SNRPN: variants seen among roughly 807,000 people sequenced by gnomAD.
SNRPN encodes the protein small nuclear ribonucleoprotein polypeptide N, also known as small nuclear ribonucleoprotein-associated protein N.
SNRPN carries 7 observed loss-of-function variants against 25.2 expected under a neutral mutation model. The observed-to-expected ratio is 0.28, with a 90% CI of 0.16 to 0.52. The LOEUF is 0.52. SNRPN is among the 20% of genes least tolerant of loss of function. SNRPN has a pLI of 0.96. For missense variants in SNRPN, 196 were observed against 322.5 expected (o/e 0.61, Z 3.00); for synonymous variants, 124 against 110.6 (o/e 1.12, Z -0.76).
intron 2 of SNRPN, among the ~76,000 whole-genome samples, chr15:24,917,700 C>T (rs1464548913): frequency 6.6e-6 from 1 of 152,260 alleles, no homozygotes; most frequent in Admixed American, 6.5e-5. Context: ...TGGTGCTGCT[C>T]TTCAGGGTTT....
intron 3 of SNRPN, among the ~76,000 whole-genome samples, chr15:24,949,642 C>T (rs1002225804): frequency 3.3e-5 from 5 of 152,094 alleles, no homozygotes; most frequent in African/African-American, 1.2e-4. Context: ...CAGAGTGACA[C>T]TCTATCTCAA....
chr15:24,870,973 C>A (rs28635725), intron 1 of SNRPN, among the ~76,000 whole-genome samples: 2 of 151,836 alleles, frequency 1.3e-5, no homozygotes, highest in Non-Finnish European at 2.9e-5. Flanking sequence ...CTCCGCCTCC[C>A]AGGTTCCAGC....
chr15:24,959,965 A>G (rs1427232540), intron 1 of SNRPN, among the ~76,000 whole-genome samples: 1 of 152,168 alleles, frequency 6.6e-6, no homozygotes. Context: ...TGCAGGTATA[A>G]TAGAAAGAAC....
At chr15:24,875,036 G>C (rs371283449) in intron 1 of SNRPN, among the ~76,000 whole-genome samples, 2 of 152,048 alleles carry the variant, frequency 1.3e-5, no homozygotes, top group African/African-American at 4.8e-5. Context: ...TATAGTCTAC[G>C]AATTTATTCC....
chr15:24,962,057 A>T, intron 1 of SNRPN, 57 bp from the exon 2 acceptor site: 1 of 1,340,426 alleles, frequency 7.5e-7, no homozygotes, highest in Non-Finnish European at 1.1e-6. Flanking sequence ...CTTGACAAAT[A>T]GTTATTTCAT....
chr15:24,927,025 T>A (rs563125116), intron 3 of SNRPN, among the ~76,000 whole-genome samples: 102 of 151,868 alleles, frequency 6.7e-4, no homozygotes, highest in Admixed American at 2.5e-3. Context: ...AAGAATATTT[T>A]AAAAAAAACC....
chr15:24,921,244 G>A (rs570458585), intron 3 of SNRPN: 39 of 152,328 alleles, frequency 2.6e-4, no homozygotes, highest in African/African-American at 9.1e-4. Flanking sequence ...AAAGAAGATT[G>A]ACATTAAGCA....
At chr15:24,965,275 C>T (rs976395498) in intron 2 of SNRPN, among the ~76,000 whole-genome samples, 34 of 152,132 alleles carry the variant, frequency 2.2e-4, no homozygotes, top group Non-Finnish European at 3.5e-4. Context: ...CGGTGGCTCA[C>T]GCCTGTAATC....
chr15:24,954,848 A>G (rs935988069), upstream of SNRPN: 10 of 690,218 alleles, frequency 1.4e-5, no homozygotes, highest in African/African-American at 1.6e-4. Flanking sequence ...CCCTCCCCCC[A>G]GGTCATTCCG....
chr15:24,935,220 C>T (rs1596006711), intron 3 of SNRPN, among the ~76,000 whole-genome samples: 2 of 151,578 alleles, frequency 1.3e-5, no homozygotes, highest in East Asian at 2.0e-4. Flanking sequence ...TGCAGTGAGC[C>T]GAGATCATGC....
intron 2 of SNRPN, among the ~76,000 whole-genome samples, chr15:24,962,841 GCATTAAAATTTGATGC>G (rs2075044842): frequency 2.0e-5 from 3 of 151,938 alleles, no homozygotes; most frequent in Admixed American, 6.5e-5. Flanking sequence ...AATTTTGATG[GCATTAAAATTTGATGC>G]CATTAAAATT....
intron 1 of SNRPN, among the ~76,000 whole-genome samples, chr15:24,876,574 T>C (rs1286874393): frequency 2.2e-5 from 3 of 138,070 alleles, no homozygotes; most frequent in African/African-American, 8.4e-5. Context: ...CTGAGATTGC[T>C]CCACTGCGCT....
chr15:24,828,166 A>T (rs907837665), intron 1 of SNRPN, among the ~76,000 whole-genome samples: 1 of 152,160 alleles, frequency 6.6e-6, no homozygotes, highest in African/African-American at 2.4e-5. Context: ...TTTGACTATG[A>T]TAGTTCTAAA....
At chr15:24,824,803 C>G (rs2049963510) in intron 1 of SNRPN, among the ~76,000 whole-genome samples, 1 of 105,018 alleles carries the variant, frequency 9.5e-6, no homozygotes, top group South Asian at 3.1e-4. Flanking sequence ...GATTCCTCAC[C>G]CTAGGTTAAA....
upstream of SNRPN, among the ~76,000 whole-genome samples, chr15:24,855,054 G>A (rs1352853885): frequency 7.9e-5 from 12 of 151,622 alleles, no homozygotes; most frequent in African/African-American, 2.2e-4. Context: ...TAGAAGATTT[G>A]TTCATGGATG....
chr15:24,863,318 A>AG (rs1212101099), intron 1 of SNRPN, among the ~76,000 whole-genome samples: 5 of 150,678 alleles, frequency 3.3e-5, no homozygotes, highest in African/African-American at 7.5e-5. Context: ...ACTGCAGATA[A>AG]GGGGGGTTCC....
intron 3 of SNRPN, among the ~76,000 whole-genome samples, chr15:24,947,350 G>A (rs1264216965): frequency 6.6e-6 from 1 of 152,308 alleles, no homozygotes; most frequent in Admixed American, 6.5e-5. Flanking sequence ...ATAACCTGAG[G>A]CTGGGTGCGG....
chr15:24,910,058 T>A (rs1288197282), intron 2 of SNRPN, among the ~76,000 whole-genome samples: 1 of 152,308 alleles, frequency 6.6e-6, no homozygotes, highest in African/African-American at 2.4e-5. Flanking sequence ...AGTTCTTTAA[T>A]GTTTAACTTA....
At position 24,896,669 on chromosome 15, in the gene SNRPN, G is replaced by A. The variant is rs190413733; in HGVS notation, c.-505+10080G>A. On this transcript the variant is annotated intron_variant, in intron 2 of 11. Transcript: ENST00000400097. ...GCGGAGCTTGCAGTGAGCCGAGATC[G>A]TGCCACTGCACTCCAGCCTGGGCAA... 7.6e-4 allele frequency among the ~76,000 whole-genome samples: 115 copies of A among 152,034 alleles called. 2 individuals carry two copies. Among genetic ancestry groups the A allele is most frequent in the East Asian group, 1.4e-3 (7 of 5,148 alleles).
Sources: gnomAD v4.1 joint callset for allele counts (sites outside exome capture counted in the v4.1 genomes callset) on GRCh38, gnomAD v4.1.1 for gene constraint, MANE v1.5 for transcripts, NCBI Gene and HGNC (gene_info 2026-07-23, HGNC 2026-07-21) for gene names.